Variants in SEMA5A observed in about 807,000 individuals in gnomAD.
SEMA5A encodes the protein semaphorin 5A.
SEMA5A carries 55 observed loss-of-function variants against 135.5 expected under a neutral mutation model. The observed-to-expected ratio is 0.41, with a 90% CI of 0.33 to 0.51. The LOEUF (loss-of-function observed/expected upper bound fraction) is 0.51, where lower values mean the gene tolerates loss of function less well. Among genes scored for constraint, SEMA5A ranks in the 20% least tolerant of loss-of-function variants. The pLI, the probability that SEMA5A is intolerant of heterozygous loss-of-function variation, is 0.37. For missense variants in SEMA5A, 1,290 were observed against 1,419.9 expected (o/e 0.91, Z 1.47); for synonymous variants, 580 against 546.5 (o/e 1.06, Z -0.85).
At position 9,039,965 on chromosome 5, in the gene SEMA5A, C is replaced by T. The variant is rs928805302; in HGVS notation, c.*2932G>A. ...GGACCCTGAATAGCACTGGGAGCCACTTTCAAAGAATTTAAATGTAAGACT... is the reference window on the plus strand; with the variant it reads ...GGACCCTGAATAGCACTGGGAGCCATTTTCAAAGAATTTAAATGTAAGACT... On this transcript the variant is annotated 3_prime_UTR_variant, in exon 23 of 23. Transcript: ENST00000382496. 1 of 152,204 alleles carries T rather than the reference C, an allele frequency of 6.6e-6. No individual in the cohort carries two copies. Among genetic ancestry groups the T allele is most frequent in the African/African-American group, 2.4e-5 (1 of 41,440 alleles). The allele number at this position is 152,204 out of a possible 1,614,324, so 9.4% of individuals were successfully genotyped here. A position where few individuals can be genotyped will look rare whatever the true frequency, so the allele number is the denominator to read the frequency against.
At position 9,075,853 on chromosome 5, in the gene SEMA5A, G is replaced by T. The variant is rs1031113751; in HGVS notation, c.2074-9207C>A. On this transcript the variant is annotated intron_variant, in intron 16 of 22. Coordinates refer to ENST00000382496, the MANE Select transcript of SEMA5A (RefSeq NM_003966.3). ...CATACCTCAATAGAGGTACAAAACT[G>T]TATGGTCTCAGAAAAACAAGCCTCT... Among the ~76,000 whole-genome samples the T allele has an allele frequency of 2.0e-5, 3 of 152,120 alleles. No individual in the cohort carries two copies. In the East Asian group the frequency reaches 5.8e-4, roughly 29 times the overall value.
chr5:9,341,936 T>C (rs1052417780), intron 3 of SEMA5A, among the ~76,000 whole-genome samples: 1 of 151,842 alleles, frequency 6.6e-6, no homozygotes, highest in African/African-American at 2.4e-5. Flanking sequence ...ATCAAAAGTA[T>C]AATTCCATTT....
chr5:9,477,117 C>A (rs1441158029), intron 1 of SEMA5A, among the ~76,000 whole-genome samples: 1 of 150,986 alleles, frequency 6.6e-6, no homozygotes, highest in East Asian at 1.9e-4. Context: ...TTCTCATTCT[C>A]TCTCTCTCTC....
intron 2 of SEMA5A, among the ~76,000 whole-genome samples, chr5:9,421,218 G>C (rs1444851695): frequency 2.0e-5 from 3 of 152,152 alleles, no homozygotes; most frequent in Admixed American, 1.3e-4. Context: ...TTCAGACATG[G>C]GGGATGGAGG....
chr5:9,095,589 CTGT>C (rs1353991435), intron 16 of SEMA5A, among the ~76,000 whole-genome samples: 1 of 152,150 alleles, frequency 6.6e-6, no homozygotes, highest in Non-Finnish European at 1.5e-5. Flanking sequence ...ACTCCAACAC[CTGT>C]TGTTTCTTCT....
At chr5:9,344,551 A>G (rs1753780749) in intron 3 of SEMA5A, among the ~76,000 whole-genome samples, 1 of 152,204 alleles carries the variant, frequency 6.6e-6, no homozygotes, top group Admixed American at 6.5e-5. Flanking sequence ...TGAGCAGGAC[A>G]TAAGTGAAGG....
intron 5 of SEMA5A, among the ~76,000 whole-genome samples, chr5:9,291,534 G>A (rs1031514259): frequency 2.2e-4 from 34 of 152,016 alleles, no homozygotes; most frequent in African/African-American, 8.0e-4. Flanking sequence ...ATAAAGAGAT[G>A]ACATGGTGGG....
intron 17 of SEMA5A, among the ~76,000 whole-genome samples, chr5:9,065,519 G>A (rs183504234): frequency 3.3e-5 from 5 of 152,344 alleles, no homozygotes; most frequent in Admixed American, 3.3e-4. Context: ...GTCCTTTCGT[G>A]TTGGGAGAAT....
At chr5:9,251,093 G>A (rs1748749460) in intron 5 of SEMA5A, among the ~76,000 whole-genome samples, 1 of 152,104 alleles carries the variant, frequency 6.6e-6, no homozygotes, top group Non-Finnish European at 1.5e-5. Flanking sequence ...AGTTATAACT[G>A]GAGTGGGTTT....
At chr5:9,189,609 A>G (rs1223962345) in intron 11 of SEMA5A, among the ~76,000 whole-genome samples, 1 of 152,204 alleles carries the variant, frequency 6.6e-6, no homozygotes, top group Non-Finnish European at 1.5e-5. Flanking sequence ...GAAGGCAGGA[A>G]AGAGAAGGAC....
At chr5:9,110,398 G>A (rs1402237641) in intron 15 of SEMA5A, among the ~76,000 whole-genome samples, 1 of 152,170 alleles carries the variant, frequency 6.6e-6, no homozygotes, top group African/African-American at 2.4e-5. Flanking sequence ...AGCAGGAAGA[G>A]CCCATAGAAC....
chr5:9,199,647 A>ATTGT (rs1051390632), intron 9 of SEMA5A, among the ~76,000 whole-genome samples: 2 of 152,184 alleles, frequency 1.3e-5, no homozygotes, highest in Non-Finnish European at 2.9e-5. Context: ...ATAACTTACA[A>ATTGT]GAGCAATAAA....
At chr5:9,077,265 A>G (rs1215466460) in intron 16 of SEMA5A, among the ~76,000 whole-genome samples, 1 of 152,110 alleles carries the variant, frequency 6.6e-6, no homozygotes, top group Non-Finnish European at 1.5e-5. Flanking sequence ...CCAAATAAAC[A>G]CCCAGTGCAT....
At chr5:9,107,221 G>A (rs928484465) in intron 16 of SEMA5A, among the ~76,000 whole-genome samples, 2 of 152,184 alleles carry the variant, frequency 1.3e-5, no homozygotes, top group African/African-American at 4.8e-5. Context: ...GCCAGCACCA[G>A]AGGCAGGTGA....
chr5:9,356,681 C>G (rs964095572), intron 3 of SEMA5A, among the ~76,000 whole-genome samples: 2 of 152,158 alleles, frequency 1.3e-5, no homozygotes, highest in African/African-American at 4.8e-5. Flanking sequence ...TTATTTTCTT[C>G]TTTCTTTGTT....
chr5:9,215,791 CTTT>C (rs925881308), intron 8 of SEMA5A, among the ~76,000 whole-genome samples: 1 of 151,598 alleles, frequency 6.6e-6, no homozygotes, highest in African/African-American at 2.4e-5. Flanking sequence ...TTCTTTTCTT[CTTT>C]ATTAGTCTAG....
intron 10 of SEMA5A, among the ~76,000 whole-genome samples, chr5:9,191,579 T>C (rs1745115194): frequency 6.6e-6 from 1 of 152,156 alleles, no homozygotes; most frequent in Non-Finnish European, 1.5e-5. Context: ...TGTGGTTTTA[T>C]AACAGGTGAG....
chr5:9,278,799 T>C (rs1750395554), intron 5 of SEMA5A, among the ~76,000 whole-genome samples: 1 of 152,244 alleles, frequency 6.6e-6, no homozygotes, highest in Non-Finnish European at 1.5e-5. Context: ...GTGCTGGGCC[T>C]GCAGGTGCAC....
At chr5:9,255,604 A>G (rs1749027603) in intron 5 of SEMA5A, among the ~76,000 whole-genome samples, 1 of 152,082 alleles carries the variant, frequency 6.6e-6, no homozygotes, top group Admixed American at 6.6e-5. Context: ...TTTCTTCCTC[A>G]TCACTAGCTG....
Sources: allele counts gnomAD v4.1 joint callset (sites outside exome capture counted in the v4.1 genomes callset), GRCh38; gene constraint gnomAD v4.1.1; transcripts MANE v1.5; gene names NCBI Gene and HGNC (gene_info 2026-07-23, HGNC 2026-07-21).